Variants in MIS18BP1 observed in about 807,000 individuals in gnomAD.
MIS18BP1 encodes the protein mis18-binding protein 1.
Under a neutral mutation model 116.1 loss-of-function variants are expected in MIS18BP1, and 72 were observed. The ratio of observed to expected loss-of-function variants is 0.62; its 90% CI spans 0.51 to 0.75. The LOEUF is 0.75. MIS18BP1 is among the 30% of genes least tolerant of loss of function. The pLI, the probability that MIS18BP1 is intolerant of heterozygous loss-of-function variation, is 0.00. For synonymous variants in MIS18BP1, 386 were observed against 427.0 expected (o/e 0.90, Z 1.18); for missense variants, 1,363 against 1,303.2 (o/e 1.05, Z -0.71).
chr14:45,227,657 C>G lies in MIS18BP1; in HGVS notation c.1746+6G>C. On this transcript the variant is annotated splice_donor_region_variant and intron_variant, in intron 9 of 16. Transcript: ENST00000310806. ...TTGAACTATACAGTGTACAATAAAG[C>G]CTTACCTGATTAGATAAGTCATCTC... 3.1e-6 allele frequency: 5 copies of G among 1,609,884 alleles called. No homozygotes were observed. Among genetic ancestry groups the G allele is most frequent in the Non-Finnish European group, 4.2e-6 (5 of 1,176,524 alleles).
chr14:45,221,690 A>G (rs536308800), intron 11 of MIS18BP1, among the ~76,000 whole-genome samples: 26 of 152,322 alleles, frequency 1.7e-4, no homozygotes, highest in Non-Finnish European at 2.5e-4. Flanking sequence ...TGATCAACCT[A>G]TCCTTGGAAA....
intron 4 of MIS18BP1, 195 bp downstream of exon 4, chr14:45,241,839 C>T (rs963581188): frequency 4.4e-5 from 25 of 570,154 alleles, no homozygotes; most frequent in African/African-American, 3.8e-5. Context: ...TTACATTCAA[C>T]TCACTGTTCT....
intron 14 of MIS18BP1, among the ~76,000 whole-genome samples, chr14:45,207,972 C>G (rs1268215634): frequency 6.6e-6 from 1 of 152,078 alleles, no homozygotes; most frequent in African/African-American, 2.4e-5. Context: ...AAAACAAAAA[C>G]CCACAACCCA....
In MIS18BP1 at chr14:45,206,183, G is replaced by A. The variant is rs202144971; in HGVS notation, c.3153-13C>T. On this transcript the variant is annotated splice_polypyrimidine_tract_variant and intron_variant, in intron 14 of 16. Coordinates refer to ENST00000310806, the MANE Select transcript of MIS18BP1 (RefSeq NM_018353.5). ...ATCACAGTCATTCCTGTTTGAATAC[G>A]AAATAATTTTAAGTCAACAATATTT... 49 of 1,534,118 alleles carry A rather than the reference G, an allele frequency of 3.2e-5. 1 individual carries two copies. Among genetic ancestry groups the A allele is most frequent in the Middle Eastern group, 1.7e-4 (1 of 5,880 alleles).
intron 10 of MIS18BP1, among the ~76,000 whole-genome samples, chr14:45,226,419 A>G (rs543420721): frequency 2.0e-5 from 3 of 152,294 alleles, no homozygotes; most frequent in Admixed American, 6.5e-5. Flanking sequence ...ACTTAAAACT[A>G]AATTATTGTA....
At chr14:45,226,706 T>C (rs375196568) in intron 10 of MIS18BP1, 37 bp downstream of exon 10, 25 of 1,304,692 alleles carry the variant, frequency 1.9e-5, no homozygotes, top group African/African-American at 4.6e-5. Context: ...ATAGTAGCTT[T>C]CTGCTTATGA....
intron 3 of MIS18BP1, 91 bp downstream of exon 3, chr14:45,242,668 TAA>T: frequency 6.9e-7 from 1 of 1,451,420 alleles, no homozygotes; most frequent in Non-Finnish European, 9.3e-7. Context: ...TGTCCACAGC[TAA>T]AGTTTAATGC....
chr14:45,249,123 G>A (rs1178321663), intron 1 of MIS18BP1, among the ~76,000 whole-genome samples: 2 of 149,716 alleles, frequency 1.3e-5, no homozygotes, highest in East Asian at 2.0e-4. Context: ...AGGGAGTCTT[G>A]CTCTGTTGCC....
chr14:45,225,427 T>C (rs1325971547), intron 10 of MIS18BP1, among the ~76,000 whole-genome samples: 1 of 152,110 alleles, frequency 6.6e-6, no homozygotes. Flanking sequence ...CTTTCACATA[T>C]ACAGTAGGCA....
chr14:45,241,617 T>C (rs774689428), intron 4 of MIS18BP1: 37 of 156,864 alleles, frequency 2.4e-4, no homozygotes, highest in Non-Finnish European at 4.9e-4. Context: ...TTTCATTGAT[T>C]ACTCTGTATT....
At chr14:45,242,625 T>C (rs1891613249) in intron 3 of MIS18BP1, 107 bp from the exon 4 acceptor site, 1 of 1,468,326 alleles carries the variant, frequency 6.8e-7, no homozygotes. Context: ...TGCCCAGTCT[T>C]TCTCTGAGTG....
At chr14:45,223,877 G>C (rs916278157) in intron 11 of MIS18BP1, 41 bp downstream of exon 11, 3 of 1,403,594 alleles carry the variant, frequency 2.1e-6, no homozygotes, top group Non-Finnish European at 2.9e-6. Flanking sequence ...CTGTCTTGTG[G>C]CTGCTCTGTA....
chr14:45,218,926 T>C (rs904887341), intron 11 of MIS18BP1, among the ~76,000 whole-genome samples: 4 of 152,078 alleles, frequency 2.6e-5, no homozygotes, highest in Admixed American at 1.3e-4. Context: ...TACTATACTT[T>C]GTAGAACTCA....
chr14:45,238,115 GT>G (rs35409821), intron 4 of MIS18BP1, among the ~76,000 whole-genome samples: 46,655 of 138,152 alleles, frequency 0.34, 7,803 homozygotes, highest in Non-Finnish European at 0.43. Context: ...AAAATTAAGA[GT>G]TTTTTTTTTT....
chr14:45,252,715 C>A (rs1891911929), intron 1 of MIS18BP1, among the ~76,000 whole-genome samples: 1 of 151,718 alleles, frequency 6.6e-6, no homozygotes, highest in African/African-American at 2.4e-5. Flanking sequence ...GTCCTGGGGT[C>A]CCAAGGGGAA....
chr14:45,226,612 C>T (rs1013225994), intron 10 of MIS18BP1, 131 bp downstream of exon 10: 57 of 788,796 alleles, frequency 7.2e-5, no homozygotes, highest in Middle Eastern at 9.2e-4. Flanking sequence ...ATAACAAAAC[C>T]AAACATTTAA....
rs748773403 is a variant in MIS18BP1 at position 45,204,475 on chromosome 14, T to C, written c.3241-22A>G. 1.0e-5 allele frequency: 16 copies of C among 1,552,692 alleles called. No homozygotes were observed. In the African/African-American group the frequency reaches 2.2e-4, roughly 22 times the overall value. On this transcript the variant is annotated intron_variant, in intron 15 of 16. Coordinates refer to ENST00000310806, the MANE Select transcript of MIS18BP1 (RefSeq NM_018353.5). ...CAACCTATAAAAGAGTTACTATTAA[T>C]AGCTAAATGGTACCTCCTGGTGAAG... is the stretch of plus-strand genomic sequence containing the variant.
In MIS18BP1 at chr14:45,242,297, G is replaced by A. The variant is rs1411377267; in HGVS notation, c.880C>T (p.Pro294Ser). 5.6e-6 allele frequency: 9 copies of A among 1,613,960 alleles called. No homozygotes were observed. The highest frequency in any genetic ancestry group is 7.6e-6 in the Non-Finnish European group (9 of 1,179,980). ...ATTAACAGGCTGCCATTTTTAATAG[G>A]AATACAATTAGTACTGAGAGTCTCA... ...NAETLSTNCI[P>S]IKNGSLLMVS... Residue 294 changes from proline to serine, a missense_variant, in exon 4 of 17, where the codon CCT becomes TCT. Transcript: ENST00000310806.
intron 7 of MIS18BP1, chr14:45,232,383 C>T: frequency 4.3e-6 from 1 of 234,992 alleles, no homozygotes; most frequent in South Asian, 4.4e-5. Flanking sequence ...CGCCACTGCA[C>T]TCCAGCCTGG....
Sources: gnomAD v4.1 joint callset for allele counts (sites outside exome capture counted in the v4.1 genomes callset) on GRCh38, gnomAD v4.1.1 for gene constraint, MANE v1.5 for transcripts, NCBI Gene and HGNC (gene_info 2026-07-23, HGNC 2026-07-21) for gene names.